The following TENM3 variants were observed in gnomAD, a reference collection of about 807,000 sequenced individuals.
TENM3 encodes the protein teneurin-3.
A neutral mutation model predicts 255.1 loss-of-function variants in TENM3; 63 were observed. The observed-to-expected ratio is 0.25, with a 90% CI of 0.20 to 0.30. The LOEUF is 0.30. TENM3 is among the 10% of genes least tolerant of loss of function. TENM3 has a pLI of 1.00. For missense variants in TENM3, 2,929 were observed against 3,461.1 expected (o/e 0.85, Z 3.86); for synonymous variants, 1,306 against 1,322.3 (o/e 0.99, Z 0.27).
chr4:182,382,369 T>G (rs966262098), intron 3 of TENM3, among the ~76,000 whole-genome samples: 8 of 152,062 alleles, frequency 5.3e-5, no homozygotes, highest in African/African-American at 1.9e-4. Flanking sequence ...TGTTTTTTTT[T>G]TTTATATTTT....
chr4:182,454,110 GT>G (rs1253282394), intron 3 of TENM3, among the ~76,000 whole-genome samples: 2 of 152,108 alleles, frequency 1.3e-5, no homozygotes, highest in African/African-American at 4.8e-5. Flanking sequence ...AAGGAAAGTG[GT>G]TAAATGCATT....
intron 1 of TENM3, among the ~76,000 whole-genome samples, chr4:182,311,343 T>C (rs1270839725): frequency 6.6e-6 from 1 of 152,248 alleles, no homozygotes; most frequent in Non-Finnish European, 1.5e-5. Flanking sequence ...ACAGCCTTCA[T>C]TGACTTTGTT....
At chr4:181,991,350 G>C in the TENM3 span, among the ~76,000 whole-genome samples, 3 of 152,094 alleles carry the variant, frequency 2.0e-5, 1 homozygote, top group Non-Finnish European at 4.4e-5. Flanking sequence ...ATATGGATTC[G>C]CACTAGCTTG....
chr4:181,790,220 A>C, the TENM3 span, among the ~76,000 whole-genome samples: 5 of 152,066 alleles, frequency 3.3e-5, no homozygotes, highest in Admixed American at 3.3e-4. Context: ...AAAGACCCCC[A>C]CACATCTGGC....
the TENM3 span, among the ~76,000 whole-genome samples, chr4:181,561,850 C>T: frequency 6.6e-6 from 1 of 152,130 alleles, no homozygotes; most frequent in Non-Finnish European, 1.5e-5. Context: ...CACTGTTATG[C>T]CTTTTGATAC....
At chr4:182,550,271 G>A (rs965208033) in intron 3 of TENM3, among the ~76,000 whole-genome samples, 1 of 152,178 alleles carries the variant, frequency 6.6e-6, no homozygotes, top group African/African-American at 2.4e-5. Flanking sequence ...CAGAATTTAA[G>A]AATTAGAATA....
At chr4:182,462,400 T>C (rs1199492227) in intron 3 of TENM3, among the ~76,000 whole-genome samples, 19 of 151,518 alleles carry the variant, frequency 1.3e-4, no homozygotes, top group Admixed American at 1.3e-3. Context: ...ACTTAATGGG[T>C]TGAATTGTTT....
At chr4:181,938,790 G>T in the TENM3 span, among the ~76,000 whole-genome samples, 15 of 152,126 alleles carry the variant, frequency 9.9e-5, no homozygotes, top group Non-Finnish European at 1.9e-4. Flanking sequence ...TCGCAAAAAA[G>T]CTAAAGCAAT....
the TENM3 span, among the ~76,000 whole-genome samples, chr4:181,576,931 A>G: frequency 7.3e-6 from 1 of 137,110 alleles, no homozygotes; most frequent in African/African-American, 2.7e-5. Context: ...CTCCTGCCTC[A>G]GCCTCCCAAG....
chr4:181,856,668 G>A, the TENM3 span, among the ~76,000 whole-genome samples: 1 of 152,156 alleles, frequency 6.6e-6, no homozygotes, highest in Non-Finnish European at 1.5e-5. Flanking sequence ...TTCTTGGTGT[G>A]GCGTGAGGTT....
At chr4:182,670,041 G>T (rs1018265100) in intron 6 of TENM3, among the ~76,000 whole-genome samples, 1 of 152,074 alleles carries the variant, frequency 6.6e-6, no homozygotes. Context: ...GTAGAAATTG[G>T]TCTCAGATAA....
At chr4:181,480,208 C>T in the TENM3 span, among the ~76,000 whole-genome samples, 1 of 151,970 alleles carries the variant, frequency 6.6e-6, no homozygotes, top group Admixed American at 6.6e-5. Flanking sequence ...TTTCTGCTTA[C>T]CATCTATAAA....
intron 3 of TENM3, among the ~76,000 whole-genome samples, chr4:182,358,596 T>A (rs1765729532): frequency 6.6e-6 from 1 of 152,044 alleles, no homozygotes; most frequent in Non-Finnish European, 1.5e-5. Flanking sequence ...TGAGGTTGCT[T>A]ATCAGCTTAA....
chr4:182,450,927 G>A lies in TENM3; in HGVS notation c.511+103998G>A, dbSNP rs564384216. On this transcript the variant is annotated intron_variant, in intron 3 of 27. Transcript: ENST00000511685. ...TGACATCAGGAAAAGATAGAAAGGC[G>A]CATTCCAAATGTTTTTAATGACTAG... Among the ~76,000 whole-genome samples, 3 of 152,276 alleles carry A rather than the reference G, an allele frequency of 2.0e-5. No homozygotes were observed. In the South Asian group the frequency reaches 6.2e-4, roughly 32 times the overall value.
chr4:181,553,260 AGTGTGTGTGTGTGTGTGTGT>A, the TENM3 span, among the ~76,000 whole-genome samples: 1 of 133,556 alleles, frequency 7.5e-6, no homozygotes, highest in South Asian at 2.7e-4. Context: ...ATAGTCATTA[AGTGTGTGTGTGTGTGTGTGT>A]GTGTGTGTGT....
the TENM3 span, among the ~76,000 whole-genome samples, chr4:182,019,964 T>C: frequency 6.6e-6 from 1 of 152,050 alleles, no homozygotes; most frequent in Non-Finnish European, 1.5e-5. Flanking sequence ...CGTGAGCCAC[T>C]GTGCCTAGCT....
intron 11 of TENM3, among the ~76,000 whole-genome samples, chr4:182,683,857 A>G (rs1417159761): frequency 6.6e-6 from 1 of 152,156 alleles, no homozygotes; most frequent in Non-Finnish European, 1.5e-5. Context: ...GGGAGTCAGT[A>G]GAAATAAAAA....
At chr4:181,622,922 T>C in the TENM3 span, among the ~76,000 whole-genome samples, 3 of 152,130 alleles carry the variant, frequency 2.0e-5, no homozygotes, top group African/African-American at 7.2e-5. Context: ...GTACACACAT[T>C]ACTAACTTAA....
chr4:181,589,817 C>A, the TENM3 span, among the ~76,000 whole-genome samples: 3 of 152,126 alleles, frequency 2.0e-5, no homozygotes, highest in African/African-American at 7.2e-5. Flanking sequence ...AAAGACCGTA[C>A]GTGATTCTCT....
Sources: gnomAD v4.1 joint callset for allele counts (sites outside exome capture counted in the v4.1 genomes callset) on GRCh38, gnomAD v4.1.1 for gene constraint, MANE v1.5 for transcripts, NCBI Gene and HGNC (gene_info 2026-07-23, HGNC 2026-07-21) for gene names.